The following LUZP2 variants were observed in gnomAD, a reference collection of about 807,000 sequenced individuals.
LUZP2 encodes the protein leucine zipper protein 2.
LUZP2 carries 52 observed loss-of-function variants against 51.6 expected under a neutral mutation model. The ratio of observed to expected loss-of-function variants is 1.01; its 90% CI spans 0.81 to 1.27. LUZP2 has a LOEUF of 1.27. Ranked by LOEUF, LUZP2 falls within the 50% of genes most tolerant of loss-of-function variation. The probability of loss-of-function intolerance (pLI) is 0.00; values close to 1 mark genes in which losing one functional copy is unlikely to be tolerated. For missense variants in LUZP2, 436 were observed against 395.4 expected, an observed-to-expected ratio of 1.10 and a Z score of -0.87; for synonymous variants, 154 against 137.3, an observed-to-expected ratio of 1.12 and a Z score of -0.85.
In LUZP2 at chr11:24,732,070, T is replaced by A. The variant is rs1833830238; in HGVS notation, c.181-48T>A. The A allele has an allele frequency of 2.1e-6, 3 of 1,432,132 alleles. No individual in the cohort carries two copies. In the African/African-American group the frequency reaches 4.2e-5, roughly 20 times the overall value. 88.7% of individuals were successfully genotyped at this position (1,432,132 alleles called of 1,614,324 possible). On this transcript the variant is annotated intron_variant, in intron 2 of 11. Coordinates refer to ENST00000336930, the MANE Select transcript of LUZP2 (RefSeq NM_001009909.4). ...TCTAGAACCAAAGTTAAAGTGAGTC[T>A]CAATTTCTCACCTGAATAAAACTTC...
At chr11:25,009,530 G>A (rs146864812) in intron 9 of LUZP2, among the ~76,000 whole-genome samples, 1 of 152,124 alleles carries the variant, frequency 6.6e-6, no homozygotes, top group Non-Finnish European at 1.5e-5. Flanking sequence ...AAACATACAA[G>A]TATCAACTAA....
At chr11:24,745,657 T>C (rs1051068490) in intron 4 of LUZP2, among the ~76,000 whole-genome samples, 5 of 151,982 alleles carry the variant, frequency 3.3e-5, no homozygotes, top group Admixed American at 2.0e-4. Flanking sequence ...GCAAGCTTTT[T>C]GTTGTTGTTG....
intron 1 of LUZP2, among the ~76,000 whole-genome samples, chr11:24,544,870 T>A (rs749114393): frequency 6.6e-6 from 1 of 152,150 alleles, no homozygotes; most frequent in Non-Finnish European, 1.5e-5. Flanking sequence ...CACACTGTTT[T>A]CCACAATGGC....
intron 10 of LUZP2, among the ~76,000 whole-genome samples, chr11:25,070,957 T>G: frequency 6.6e-6 from 1 of 151,880 alleles, no homozygotes; most frequent in African/African-American, 2.4e-5. Flanking sequence ...ACCTTGAAGT[T>G]TTTTCTTGTG....
chr11:24,800,877 T>C (rs1177496452), intron 5 of LUZP2, among the ~76,000 whole-genome samples: 2 of 152,184 alleles, frequency 1.3e-5, no homozygotes, highest in Admixed American at 1.3e-4. Flanking sequence ...ACCTATTTTA[T>C]TTGTACACTT....
At position 24,594,181 on chromosome 11, in the gene LUZP2, A is replaced by G. The variant is rs529505879; in HGVS notation, c.62+96876A>G. 1.4e-4 allele frequency among the ~76,000 whole-genome samples: 21 copies of G among 152,342 alleles called. 1 individual carries two copies. The South Asian group carries it at 4.3e-3, about 32-fold the overall frequency. On this transcript the variant is annotated intron_variant, in intron 1 of 11. Coordinates refer to ENST00000336930, the MANE Select transcript of LUZP2 (RefSeq NM_001009909.4). ...AAGTGAAAAATTTCAATCAAGACAGAGAGAAAGTTAAAGGGAAAATATCCT... is the reference window on the plus strand; with the variant it reads ...AAGTGAAAAATTTCAATCAAGACAGGGAGAAAGTTAAAGGGAAAATATCCT...
At chr11:25,035,278 T>G (rs528354271) in intron 9 of LUZP2, among the ~76,000 whole-genome samples, 1 of 152,186 alleles carries the variant, frequency 6.6e-6, no homozygotes, top group East Asian at 1.9e-4. Context: ...ATTCTTTACT[T>G]AGAAAATCAT....
intron 10 of LUZP2, among the ~76,000 whole-genome samples, chr11:25,053,770 C>T (rs1157797548): frequency 6.6e-6 from 1 of 152,066 alleles, no homozygotes; most frequent in Admixed American, 6.5e-5. Context: ...GCATAAACCA[C>T]TTTGTATGGC....
chr11:25,021,574 A>C (rs1428572540), intron 9 of LUZP2, among the ~76,000 whole-genome samples: 1 of 151,850 alleles, frequency 6.6e-6, no homozygotes, highest in African/African-American at 2.4e-5. Flanking sequence ...TTGAGGTATT[A>C]ATGGTGAGAA....
At chr11:24,782,471 G>T (rs908777377) in intron 5 of LUZP2, among the ~76,000 whole-genome samples, 1 of 151,926 alleles carries the variant, frequency 6.6e-6, no homozygotes, top group Admixed American at 6.6e-5. Flanking sequence ...AATGGTCATG[G>T]TATAACAGAG....
chr11:24,584,155 A>T (rs1223018155), intron 1 of LUZP2, among the ~76,000 whole-genome samples: 7 of 152,174 alleles, frequency 4.6e-5, no homozygotes, highest in Admixed American at 2.6e-4. Flanking sequence ...TCCTGCCATC[A>T]TTGCAGTAGC....
At chr11:24,946,945 C>A (rs1854917801) in intron 7 of LUZP2, among the ~76,000 whole-genome samples, 1 of 151,770 alleles carries the variant, frequency 6.6e-6, no homozygotes, top group Non-Finnish European at 1.5e-5. Context: ...TAATTTGATG[C>A]AGTTATTTTT....
At chr11:24,818,453 G>A (rs1319759478) in intron 5 of LUZP2, among the ~76,000 whole-genome samples, 1 of 151,980 alleles carries the variant, frequency 6.6e-6, no homozygotes, top group Non-Finnish European at 1.5e-5. Context: ...ACATTAATAA[G>A]CAGTGTCCTA....
rs572845852 is a variant in LUZP2, at chr11:24,646,371, G to A, written c.63-82798G>A. On this transcript the variant is annotated intron_variant, in intron 1 of 11. Coordinates refer to ENST00000336930, the MANE Select transcript of LUZP2 (RefSeq NM_001009909.4). The stretch of plus-strand genomic sequence containing the variant: ...TATCAAAGAAATTCCAGACAACAAC[G>A]TTTAACACGTATGGTTTAGTTTACT... Among the ~76,000 whole-genome samples the A allele has an allele frequency of 6.6e-5, 10 of 152,138 alleles. No homozygotes were observed. The South Asian group carries it at 8.3e-4, about 13-fold the overall frequency.
chr11:25,033,887 A>C (rs1205620843), intron 9 of LUZP2, among the ~76,000 whole-genome samples: 1 of 152,098 alleles, frequency 6.6e-6, no homozygotes, highest in Non-Finnish European at 1.5e-5. Context: ...CGCAATGAAC[A>C]TAGGAGTACC....
intron 9 of LUZP2, among the ~76,000 whole-genome samples, chr11:25,012,457 A>G (rs569153790): frequency 1.3e-5 from 2 of 152,278 alleles, no homozygotes; most frequent in East Asian, 1.9e-4. Context: ...AGGTGTTCCT[A>G]TCTCCCTGAT....
intron 9 of LUZP2, among the ~76,000 whole-genome samples, chr11:25,044,368 T>C (rs1858225447): frequency 6.7e-6 from 1 of 150,282 alleles, no homozygotes; most frequent in Admixed American, 6.7e-5. Flanking sequence ...ACATCATCTT[T>C]CCCTAAATTC....
intron 10 of LUZP2, among the ~76,000 whole-genome samples, chr11:25,054,794 G>T (rs1180652574): frequency 1.3e-5 from 2 of 151,834 alleles, no homozygotes; most frequent in African/African-American, 4.8e-5. Flanking sequence ...TTTTTATACA[G>T]GTATCCTTGG....
intron 1 of LUZP2, among the ~76,000 whole-genome samples, chr11:24,569,948 TTCAC>T (rs1852380453): frequency 6.6e-6 from 1 of 152,044 alleles, no homozygotes; most frequent in African/African-American, 2.4e-5. Flanking sequence ...TACACAAATT[TTCAC>T]TCAGTGTTTC....
Sources: allele counts gnomAD v4.1 joint callset (sites outside exome capture counted in the v4.1 genomes callset), GRCh38; gene constraint gnomAD v4.1.1; transcripts MANE v1.5; gene names NCBI Gene and HGNC (gene_info 2026-07-23, HGNC 2026-07-21).